The following PTPRK variants were observed in gnomAD, a reference collection of about 807,000 sequenced individuals.
The protein encoded by PTPRK is protein tyrosine phosphatase receptor type K.
A neutral mutation model predicts 178.0 loss-of-function variants in PTPRK; 75 were observed. The ratio of observed to expected loss-of-function variants is 0.42; its 90% CI spans 0.35 to 0.51. The LOEUF (loss-of-function observed/expected upper bound fraction) is 0.51. Among genes scored for constraint, PTPRK ranks in the 20% least tolerant of loss-of-function variants. The pLI is 0.02. For missense variants in PTPRK, 1,441 were observed against 1,797.8 expected (o/e 0.80, Z 3.59); for synonymous variants, 637 against 620.6 (o/e 1.03, Z -0.39).
At chr6:128,281,681 A>G (rs13219246) in intron 3 of PTPRK, among the ~76,000 whole-genome samples, 52 of 152,084 alleles carry the variant, frequency 3.4e-4, no homozygotes, top group African/African-American at 1.3e-3. Context: ...ATCTTCCTGG[A>G]GCCCCCTGTG....
At chr6:128,471,884 A>G (rs1221753120) in intron 1 of PTPRK, among the ~76,000 whole-genome samples, 6 of 152,182 alleles carry the variant, frequency 3.9e-5, no homozygotes, top group African/African-American at 1.4e-4. Flanking sequence ...CTAATGTATA[A>G]TAAGAACATA....
At chr6:128,242,145 C>T (rs959322290) in intron 4 of PTPRK, among the ~76,000 whole-genome samples, 41 of 152,202 alleles carry the variant, frequency 2.7e-4, no homozygotes, top group Non-Finnish European at 5.6e-4. Context: ...CAAATAACTT[C>T]ATGAGGCTTC....
intron 6 of PTPRK, among the ~76,000 whole-genome samples, chr6:128,208,575 A>G (rs1234150218): frequency 6.6e-6 from 1 of 152,150 alleles, no homozygotes; most frequent in Non-Finnish European, 1.5e-5. Flanking sequence ...ATATGCAGAT[A>G]ATGTCAGCAA....
intron 7 of PTPRK, among the ~76,000 whole-genome samples, chr6:128,136,695 T>C (rs900704011): frequency 9.2e-5 from 14 of 152,186 alleles, no homozygotes; most frequent in African/African-American, 3.1e-4. Flanking sequence ...ATTTTTATTG[T>C]TTTAAAACCA....
intron 7 of PTPRK, among the ~76,000 whole-genome samples, chr6:128,131,315 A>G (rs1388363061): frequency 6.6e-6 from 1 of 152,188 alleles, no homozygotes; most frequent in African/African-American, 2.4e-5. Context: ...GTAGCAAAAA[A>G]CATGGGTGAT....
At chr6:128,075,536 GCTGTTATTATTGCACTTA>G (rs1386394106) in intron 11 of PTPRK, among the ~76,000 whole-genome samples, 1 of 151,924 alleles carries the variant, frequency 6.6e-6, no homozygotes, top group Non-Finnish European at 1.5e-5. Flanking sequence ...ACATTTTCTA[GCTGTTATTATTGCACTTA>G]TCACACAGCA....
intron 6 of PTPRK, among the ~76,000 whole-genome samples, chr6:128,186,353 A>T (rs1368872465): frequency 6.6e-6 from 1 of 152,088 alleles, no homozygotes; most frequent in Non-Finnish European, 1.5e-5. Flanking sequence ...CTTTTAAACT[A>T]ATTATTTGTA....
At chr6:128,136,798 T>C (rs1374807889) in intron 7 of PTPRK, among the ~76,000 whole-genome samples, 1 of 152,236 alleles carries the variant, frequency 6.6e-6, no homozygotes, top group Non-Finnish European at 1.5e-5. Context: ...CATTCTTCAC[T>C]CTTTGGCCCA....
At chr6:128,491,701 C>T (rs1470185461) in intron 1 of PTPRK, 1 of 482,162 alleles carries the variant, frequency 2.1e-6, no homozygotes, top group East Asian at 6.1e-5. Flanking sequence ...ATCAGGCTTA[C>T]ATTAATCTAT....
intron 3 of PTPRK, among the ~76,000 whole-genome samples, chr6:128,294,331 T>A (rs1823904081): frequency 6.6e-6 from 1 of 152,020 alleles, no homozygotes; most frequent in Non-Finnish European, 1.5e-5. Flanking sequence ...TCAAACACAG[T>A]TTTTTTCTCC....
chr6:128,420,789 C>T (rs1843388226), intron 1 of PTPRK, among the ~76,000 whole-genome samples: 1 of 152,128 alleles, frequency 6.6e-6, no homozygotes, highest in Admixed American at 6.5e-5. Context: ...AGACAAAAAG[C>T]CACACAGTGT....
At chr6:128,468,934 A>G (rs1278811282) in intron 1 of PTPRK, among the ~76,000 whole-genome samples, 1 of 151,626 alleles carries the variant, frequency 6.6e-6, no homozygotes, top group Non-Finnish European at 1.5e-5. Context: ...AAAAAAAAAA[A>G]AAAAAACCTT....
chr6:128,081,615 G>A (rs565807628), intron 10 of PTPRK, among the ~76,000 whole-genome samples: 11 of 151,950 alleles, frequency 7.2e-5, no homozygotes, highest in Admixed American at 2.6e-4. Context: ...AATTAACAAA[G>A]TCAAAATTTG....
intron 6 of PTPRK, among the ~76,000 whole-genome samples, chr6:128,205,777 CAAAAAAAAAAAA>C (rs57003128): frequency 2.5e-3 from 38 of 15,230 alleles, no homozygotes; most frequent in East Asian, 0.016. Context: ...CATCACAGAC[CAAAAAAAAAAAA>C]AAAAAAAAAA....
chr6:127,988,183 G>A (rs1776187418), intron 21 of PTPRK, among the ~76,000 whole-genome samples: 1 of 151,776 alleles, frequency 6.6e-6, no homozygotes, highest in Admixed American at 6.6e-5. Flanking sequence ...GTGTGCATGG[G>A]GAAGAGAGGA....
At chr6:128,425,133 A>G (rs1241243461) in intron 1 of PTPRK, among the ~76,000 whole-genome samples, 2 of 147,896 alleles carry the variant, frequency 1.4e-5, no homozygotes, top group Non-Finnish European at 3.0e-5. Flanking sequence ...GCTGGAGTGC[A>G]GTGGCGTGAT....
intron 1 of PTPRK, among the ~76,000 whole-genome samples, chr6:128,502,897 T>C (rs1437312700): frequency 1.3e-5 from 2 of 152,126 alleles, no homozygotes; most frequent in Admixed American, 1.3e-4. Flanking sequence ...TCAGCCATGG[T>C]GGTAGTATTT....
At chr6:128,178,445 T>C (rs1801418915) in intron 7 of PTPRK, among the ~76,000 whole-genome samples, 1 of 151,518 alleles carries the variant, frequency 6.6e-6, no homozygotes, top group Non-Finnish European at 1.5e-5. Context: ...ATATAATGTA[T>C]TATACCATTT....
chr6:128,188,413 A>G (rs1803142377), intron 6 of PTPRK, among the ~76,000 whole-genome samples: 1 of 152,214 alleles, frequency 6.6e-6, no homozygotes, highest in Admixed American at 6.5e-5. Flanking sequence ...CCATAAATCC[A>G]GGAAAAGTCA....
Sources: gnomAD v4.1 joint callset for allele counts (sites outside exome capture counted in the v4.1 genomes callset) on GRCh38, gnomAD v4.1.1 for gene constraint, MANE v1.5 for transcripts, NCBI Gene and HGNC (gene_info 2026-07-23, HGNC 2026-07-21) for gene names.